LAMA1: variants seen among roughly 807,000 people sequenced by gnomAD.
LAMA1 encodes the protein laminin subunit alpha 1.
A neutral mutation model predicts 348.7 loss-of-function variants in LAMA1; 219 were observed. The observed-to-expected ratio is 0.63, with a 90% CI of 0.56 to 0.70. The LOEUF (loss-of-function observed/expected upper bound fraction) is 0.70, where lower values mean the gene tolerates loss of function less well. LAMA1 is among the 30% of genes least tolerant of loss of function. LAMA1 has a pLI of 0.00. For synonymous variants in LAMA1, 1,487 were observed against 1,491.0 expected (o/e 1.00, Z 0.06); for missense variants, 3,744 against 3,888.0 (o/e 0.96, Z 0.99).
rs773857678 is a variant in LAMA1 at position 6,993,757 on chromosome 18, T to C, written c.4897-5A>G. 3.7e-5 allele frequency: 58 copies of C among 1,561,676 alleles called. No homozygotes were observed. The highest frequency in any genetic ancestry group is 5.0e-5 in the Non-Finnish European group (57 of 1,132,120). ...ACTCGCTAACATCCTAGTGAGCTGG[T>C]GGAAAAATAAAGTCTCAGGTTAGTT... is the stretch of plus-strand genomic sequence containing the variant. On this transcript the variant is annotated splice_region_variant and splice_polypyrimidine_tract_variant and intron_variant, in intron 34 of 62. Transcript: ENST00000389658.
chr18:7,043,088 T>C (rs1398303411), intron 8 of LAMA1, 139 bp downstream of exon 8: 2 of 790,806 alleles, frequency 2.5e-6, no homozygotes, highest in Non-Finnish European at 2.1e-6. Context: ...GAAATATATA[T>C]ATAAAAACAC....
At chr18:7,019,655 A>G (rs2057906273) in intron 19 of LAMA1, among the ~76,000 whole-genome samples, 1 of 150,454 alleles carries the variant, frequency 6.6e-6, no homozygotes, top group East Asian at 2.0e-4. Flanking sequence ...TCTCTGCAGT[A>G]ATAATTATTA....
chr18:6,987,257 C>A (rs2057739439), intron 36 of LAMA1, among the ~76,000 whole-genome samples: 1 of 152,106 alleles, frequency 6.6e-6, no homozygotes, highest in Non-Finnish European at 1.5e-5. Context: ...GAAATTGGGA[C>A]AACATTCTGT....
chr18:7,041,310 G>C (rs1264683165), intron 9 of LAMA1, among the ~76,000 whole-genome samples: 1 of 152,170 alleles, frequency 6.6e-6, no homozygotes, highest in Non-Finnish European at 1.5e-5. Context: ...TGGTTGCAAA[G>C]TTTAAATGAT....
At chr18:7,091,279 A>G (rs1016420791) in intron 1 of LAMA1, among the ~76,000 whole-genome samples, 3 of 152,248 alleles carry the variant, frequency 2.0e-5, no homozygotes, top group African/African-American at 7.2e-5. Context: ...TTAAAATTTC[A>G]TATCATTCCC....
intron 46 of LAMA1, among the ~76,000 whole-genome samples, chr18:6,973,572 G>A (rs1185437526): frequency 6.6e-6 from 1 of 152,162 alleles, no homozygotes; most frequent in Non-Finnish European, 1.5e-5. Flanking sequence ...GATTACCTCT[G>A]AAGGATTTTA....
At chr18:7,044,646 A>G in intron 7 of LAMA1, 76 bp downstream of exon 7, 1 of 1,133,412 alleles carries the variant, frequency 8.8e-7, no homozygotes, top group Non-Finnish European at 1.3e-6. Context: ...TAACTATAAA[A>G]GTTGTTAAGA....
intron 28 of LAMA1, 66 bp from the exon 29 acceptor site, chr18:7,007,342 C>T: frequency 6.6e-7 from 1 of 1,508,902 alleles, no homozygotes; most frequent in Non-Finnish European, 9.0e-7. Flanking sequence ...CTTGAATAGA[C>T]ACTTCTCCAA....
At chr18:7,038,972 T>A in intron 10 of LAMA1, 22 bp from the exon 11 acceptor site, 2 of 1,603,790 alleles carry the variant, frequency 1.2e-6, no homozygotes, top group Non-Finnish European at 1.7e-6. Flanking sequence ...GGTAAAAGAT[T>A]AGCTTTTGAA....
chr18:7,053,554 G>A (rs566333286), intron 3 of LAMA1, among the ~76,000 whole-genome samples: 2 of 151,828 alleles, frequency 1.3e-5, no homozygotes, highest in East Asian at 1.9e-4. Flanking sequence ...AAACAAACTG[G>A]GGGGAAAAAA....
At chr18:6,987,021 A>G (rs2057738455) in intron 36 of LAMA1, among the ~76,000 whole-genome samples, 1 of 152,152 alleles carries the variant, frequency 6.6e-6, no homozygotes, top group African/African-American at 2.4e-5. Context: ...GGCCTCTCAA[A>G]GTGCTGGGAT....
At chr18:7,098,632 G>T (rs1249132674) in intron 1 of LAMA1, among the ~76,000 whole-genome samples, 1 of 151,632 alleles carries the variant, frequency 6.6e-6, no homozygotes, top group Non-Finnish European at 1.5e-5. Context: ...CGTCTGAGAA[G>T]TGAGGAGCCT....
At chr18:6,942,602 G>C (rs2847196) in intron 62 of LAMA1, among the ~76,000 whole-genome samples, 71,557 of 151,698 alleles carry the variant, frequency 0.47, 17,640 homozygotes, top group Non-Finnish European at 0.53. Context: ...TTAGTAGAGA[G>C]AGGGTTTCAC....
At chr18:7,110,193 C>CAA (rs58053263) in intron 1 of LAMA1, among the ~76,000 whole-genome samples, 3 of 134,328 alleles carry the variant, frequency 2.2e-5, no homozygotes, top group African/African-American at 5.2e-5. Context: ...CACCCGCTGC[C>CAA]AAAAAAAAAA....
At position 7,002,397 on chromosome 18, in the gene LAMA1, C is replaced by A. The variant is rs1317347320; in HGVS notation, c.4261-12G>T. ...TTATCGCCACAGTTCTGGGAGCCCA[C>A]ATTTAAAGGAAGGGGGAAAAAATGG... On this transcript the variant is annotated splice_polypyrimidine_tract_variant and intron_variant, in intron 29 of 62. Transcript: ENST00000389658. The A allele has an allele frequency of 1.9e-6, 3 of 1,611,656 alleles. No individual in the cohort carries two copies. Among genetic ancestry groups the A allele is most frequent in the Non-Finnish European group, 2.5e-6 (3 of 1,179,782 alleles).
intron 13 of LAMA1, among the ~76,000 whole-genome samples, chr18:7,035,673 T>A (rs2057991288): frequency 6.6e-6 from 1 of 152,116 alleles, no homozygotes; most frequent in Non-Finnish European, 1.5e-5. Context: ...TGTCTCAGCC[T>A]CCCAAAGCAC....
At chr18:7,056,530 A>T (rs1381697102) in intron 3 of LAMA1, among the ~76,000 whole-genome samples, 1 of 152,204 alleles carries the variant, frequency 6.6e-6, no homozygotes. Flanking sequence ...GTCAAGAAAC[A>T]AACTACTGAG....
rs565623281 is a variant in LAMA1 at position 7,062,500 on chromosome 18, T to C, written c.346-11564A>G. ...AAAACGCTTAGACCATCCCAGGGACTGAAACCAAGGAGCTACAGGGTCACC... is the reference window on the plus strand; with the variant it reads ...AAAACGCTTAGACCATCCCAGGGACCGAAACCAAGGAGCTACAGGGTCACC... On this transcript the variant is annotated intron_variant, in intron 3 of 62. Transcript: ENST00000389658. 2.6e-5 allele frequency among the ~76,000 whole-genome samples: 4 copies of C among 152,222 alleles called. No individual in the cohort carries two copies. In the East Asian group the frequency reaches 7.8e-4, roughly 30 times the overall value.
chr18:6,966,237 C>T lies in LAMA1; in HGVS notation c.6960G>A (p.Lys2320=), dbSNP rs2057632723. ...TCTGGGTCACGGTAGCCGGAAGTGA[C>T]TTCTCCACGACAGAGTACCCACTCC... The part of the protein sequence containing the change: ...FDGSGYSVVE[K]SLPATVTQII... Residue 2320 remains lysine (K), a synonymous_variant, in exon 49 of 63, where the codon AAG becomes AAA. Transcript: ENST00000389658. 1.2e-6 allele frequency: 2 copies of T among 1,613,964 alleles called. No individual in the cohort carries two copies. The highest frequency in any genetic ancestry group is 4.5e-5 in the East Asian group (2 of 44,868).
Sources: allele counts gnomAD v4.1 joint callset (sites outside exome capture counted in the v4.1 genomes callset), GRCh38; gene constraint gnomAD v4.1.1; transcripts MANE v1.5; gene names NCBI Gene and HGNC (gene_info 2026-07-23, HGNC 2026-07-21).